Variants in SNRNP200 observed in about 807,000 individuals in gnomAD.
SNRNP200 encodes U5 small nuclear ribonucleoprotein 200 kDa helicase.
In SNRNP200, 66 loss-of-function variants were observed where a neutral mutation model predicts 255.2. That is an observed-to-expected ratio of 0.26 (90% confidence interval 0.21 to 0.32). The LOEUF (loss-of-function observed/expected upper bound fraction) is 0.32. SNRNP200 is among the 10% of genes least tolerant of loss of function. The pLI, the probability that SNRNP200 is intolerant of heterozygous loss-of-function variation, is 1.00. For synonymous variants in SNRNP200, 939 were observed against 1,027.8 expected (o/e 0.91, Z 1.65); for missense variants, 1,585 against 2,749.8 (o/e 0.58, Z 9.47).
chr2:96,281,806 G>T lies in SNRNP200; in HGVS notation c.5024+8C>A. ...TCTGTGCTAACACAGAGCACCAGTT[G>T]TACTCACGCGTGGATCTTGCCATTG... On this transcript the variant is annotated splice_region_variant and intron_variant, in intron 35 of 44. Transcript: ENST00000323853. 1 of 1,594,202 alleles carries T rather than the reference G, an allele frequency of 6.3e-7. No individual in the cohort carries two copies. The highest frequency in any genetic ancestry group is 8.6e-7 in the Non-Finnish European group (1 of 1,161,868).
rs781580454 is a variant in SNRNP200, at chr2:96,301,484, C to T, written c.574+40G>A. The T allele has an allele frequency of 1.9e-6, 3 of 1,600,318 alleles. No individual in the cohort carries two copies. The African/African-American group carries it at 4.0e-5, about 21-fold the overall frequency. On this transcript the variant is annotated intron_variant, in intron 4 of 44. Transcript: ENST00000323853. ...AAGATGCATGTTTAGGGGTCAACAA[C>T]AACCAATGAACATGATCAGAACATA...
rs751230164 is a variant in SNRNP200, at chr2:96,293,448, G to C, written c.1904C>G (p.Ala635Gly). The change falls in exon 15 of 45, where the codon GCC (alanine) becomes GGC (glycine). Residue 635 changes from alanine to glycine, a missense_variant. By Grantham distance (60) the Ala-to-Gly change is moderately conservative. Around this residue, in one of 9 missense-constraint regions of SNRNP200, gnomAD observed 140 missense variants for 274.9 expected, o/e 0.51. Transcript: ENST00000323853. ...TTGGGTCATCTCAATGTTTCGGATG[G>C]CCCTGGCCACTAAAGCTTCTAAGAC... ...GPVLEALVAR[A>G]IRNIEMTQED... 6.2e-7 allele frequency: 1 copy of C among 1,613,058 alleles called. No homozygotes were observed. Among genetic ancestry groups the C allele is most frequent in the Non-Finnish European group, 8.5e-7 (1 of 1,179,960 alleles).
Position 96,275,115 on chromosome 2 carries a change from T to C in SNRNP200, c.6308A>G (p.Asn2103Ser), listed in dbSNP as rs780795928. The C allele has an allele frequency of 1.2e-5, 19 of 1,614,122 alleles. No individual in the cohort carries two copies. Among genetic ancestry groups the C allele is most frequent in the Middle Eastern group, 3.3e-4 (2 of 6,084 alleles). ...GTCACTCATGAAGTACAGAGTGTAG[T>C]TGTGGGCACCAGTGGCTGGGGCCAC... ...DFVAPATGAH[N>S]YTLYFMSDAY... Residue 2103 changes from asparagine to serine, a missense_variant, in exon 45 of 45, where the codon AAC becomes AGC. Coordinates refer to ENST00000323853, the MANE Select transcript of SNRNP200 (RefSeq NM_014014.5).
rs780753488 is a variant in SNRNP200 at position 96,285,172 on chromosome 2, C to A, written c.4164+8G>T. 31 of 1,613,882 alleles carry A rather than the reference C, an allele frequency of 1.9e-5. No homozygotes were observed. The highest frequency in any genetic ancestry group is 8.3e-5 in the Admixed American group (5 of 60,034). On this transcript the variant is annotated splice_region_variant and intron_variant, in intron 30 of 44. Transcript: ENST00000323853. Reference sequence around the variant, plus strand: ...GGGAAATTCACATGACACAGCGCCACGTCATACCTGCTCTGCCAGGGCCTC... The same window carrying A: ...GGGAAATTCACATGACACAGCGCCAAGTCATACCTGCTCTGCCAGGGCCTC...
chr2:96,293,161 T>C (rs2063894242), intron 15 of SNRNP200, 66 bp from the exon 16 acceptor site: 1 of 1,606,146 alleles, frequency 6.2e-7, no homozygotes. Flanking sequence ...AACAGTCTTT[T>C]TCACTGCCCC....
At position 96,277,027 on chromosome 2, in the gene SNRNP200, T is replaced by C. The variant is rs567213427; in HGVS notation, c.6093-42A>G. ...GGGGCGCACGTCAGTGATGGGGCAG[T>C]GGGCTCAGAGCACACTATTATGCTG... On this transcript the variant is annotated intron_variant, in intron 42 of 44. Coordinates refer to ENST00000323853, the MANE Select transcript of SNRNP200 (RefSeq NM_014014.5). The surrounding 1 kb of genome is among the most constrained non-coding windows in gnomAD (Gnocchi z 4.4). 1 of 1,613,998 alleles carries C rather than the reference T, an allele frequency of 6.2e-7. No individual in the cohort carries two copies. The highest frequency in any genetic ancestry group is 1.3e-5 in the African/African-American group (1 of 75,064).
intron 1 of SNRNP200, 43 bp downstream of exon 1, chr2:96,305,350 T>A (rs773412017): frequency 2.5e-6 from 4 of 1,612,742 alleles, no homozygotes; most frequent in Non-Finnish European, 2.5e-6. Context: ...CCCCTCCCCA[T>A]TGGACTCCTG....
chr2:96,284,314 G>C, intron 31 of SNRNP200, 44 bp downstream of exon 31: 6 of 1,540,578 alleles, frequency 3.9e-6, no homozygotes, highest in Non-Finnish European at 4.5e-6. Context: ...AAGGCCACTT[G>C]GTCAGTCCCA....
intron 5 of SNRNP200, among the ~76,000 whole-genome samples, chr2:96,299,925 T>C (rs2063942111): frequency 1.3e-5 from 2 of 152,244 alleles, no homozygotes; most frequent in South Asian, 4.1e-4. Flanking sequence ...GCAAAGCAGT[T>C]TGTTGCTACT....
intron 14 of SNRNP200, among the ~76,000 whole-genome samples, chr2:96,294,006 C>T (rs1235379752): frequency 6.6e-6 from 1 of 152,080 alleles, no homozygotes; most frequent in Admixed American, 6.6e-5. Flanking sequence ...ACAAATCCTG[C>T]ATTTCTAACA....
At chr2:96,284,026 GGGT>G in intron 31 of SNRNP200, 22 bp from the exon 32 acceptor site, 1 of 1,469,428 alleles carries the variant, frequency 6.8e-7, no homozygotes, top group Non-Finnish European at 9.4e-7. Flanking sequence ...GAGGGAGGGA[GGGT>G]CACTGCAGGC....
At position 96,278,558 on chromosome 2, in the gene SNRNP200, T is replaced by C; in HGVS notation, c.5477A>G (p.Tyr1826Cys). The C allele has an allele frequency of 6.2e-7, 1 of 1,613,852 alleles. No homozygotes were observed. Among genetic ancestry groups the C allele is most frequent in the Non-Finnish European group, 8.5e-7 (1 of 1,179,990 alleles). ...GMIAAYYYIN[Y>C]TTIELFSMSL... The stretch of plus-strand genomic sequence containing the variant: ...ATGCCGGGCCTCACCAATGGTGGTG[T>C]AGTTGATGTAATAGTAGGCGGCGAT... The change falls in exon 38 of 45, where the codon TAC becomes TGC. Residue 1826 changes from tyrosine (Y) to cysteine (C), a missense_variant. By Grantham distance (194) the Tyr-to-Cys change is radical. Around this residue, in one of 9 missense-constraint regions of SNRNP200, gnomAD observed 279 missense variants for 551.2 expected, o/e 0.51. Coordinates refer to ENST00000323853, the MANE Select transcript of SNRNP200 (RefSeq NM_014014.5). The surrounding 1 kb of genome is among the most constrained non-coding windows in gnomAD (Gnocchi z 6.9).
intron 5 of SNRNP200, among the ~76,000 whole-genome samples, 170 bp downstream of exon 5, chr2:96,300,828 T>C (rs2063948034): frequency 6.6e-6 from 1 of 152,132 alleles, no homozygotes; most frequent in Non-Finnish European, 1.5e-5. Context: ...AGTTAAAAGA[T>C]AACTGCACTT....
intron 2 of SNRNP200, 62 bp from the exon 3 acceptor site, chr2:96,303,392 T>C: frequency 6.3e-7 from 1 of 1,589,870 alleles, no homozygotes; most frequent in Non-Finnish European, 8.6e-7. Context: ...GAAGACTGGA[T>C]CAAGCCCACC....
rs2063911301 is a variant in SNRNP200 at position 96,295,512 on chromosome 2, G to C, written c.1818C>G (p.Thr606=). ...CCAGAATGATGAGCCGCACCAGCTGGGTGTAGGTGCGCTCACCACCCTTGC... is the reference window on the plus strand; with the variant it reads ...CCAGAATGATGAGCCGCACCAGCTGCGTGTAGGTGCGCTCACCACCCTTGC... The part of the protein sequence containing the change: ...ITRKGGERTY[T]QLVRLIILDE... The change falls in exon 14 of 45, where the codon ACC becomes ACG. Residue 606 remains threonine (T), a synonymous_variant. Transcript: ENST00000323853. 3 of 1,613,600 alleles carry C rather than the reference G, an allele frequency of 1.9e-6. No homozygotes were observed. Among genetic ancestry groups the C allele is most frequent in the South Asian group, 1.1e-5 (1 of 91,078 alleles).
chr2:96,287,188 G>A lies in SNRNP200; in HGVS notation c.3485-28C>T, dbSNP rs555362331. On this transcript the variant is annotated intron_variant, in intron 26 of 44. Transcript: ENST00000323853. The surrounding 1 kb of genome is among the most constrained non-coding windows in gnomAD (Gnocchi z 5.7). ...ACAAGGAAATGAGAGTACTGAGGCT[G>A]CAGCCCAGCCTGCCTACTATACTGC... 4 of 1,614,024 alleles carry A rather than the reference G, an allele frequency of 2.5e-6. No individual in the cohort carries two copies. The South Asian group carries it at 3.3e-5, about 13-fold the overall frequency.
In SNRNP200 at chr2:96,290,190, G is replaced by T; in HGVS notation, c.2742+136C>A. ...ATCTTGGTAACAAGGGGAACTATCT[G>T]CCAGACCCAAGATGTGGGTGCAGGG... On this transcript the variant is annotated intron_variant, in intron 20 of 44. Transcript: ENST00000323853. The surrounding 1 kb of genome is among the most constrained non-coding windows in gnomAD (Gnocchi z 4.5). 1 of 1,104,934 alleles carries T rather than the reference G, an allele frequency of 9.1e-7. No homozygotes were observed. Among genetic ancestry groups the T allele is most frequent in the Non-Finnish European group, 1.4e-6 (1 of 718,944 alleles). The allele number at this position is 1,104,934 out of a possible 1,614,324, so 68.4% of individuals were successfully genotyped here.
rs2104367089 is a variant in SNRNP200, at chr2:96,304,879, C to A, written c.46-11G>T. 1 of 1,613,490 alleles carries A rather than the reference C, an allele frequency of 6.2e-7. No homozygotes were observed. Among genetic ancestry groups the A allele is most frequent in the South Asian group, 1.1e-5 (1 of 90,970 alleles). On this transcript the variant is annotated splice_polypyrimidine_tract_variant and intron_variant, in intron 1 of 44. Transcript: ENST00000323853. Reference sequence around the variant, plus strand: ...CACAAGATTCGAGTTCTGAAAAGATCAAAACATTATTGAAGCTTTGACATG... The same window carrying A: ...CACAAGATTCGAGTTCTGAAAAGATAAAAACATTATTGAAGCTTTGACATG...
Position 96,291,745 on chromosome 2 carries a change from C to A in SNRNP200, c.2310+6G>T, listed in dbSNP as rs377444617. The A allele has an allele frequency of 2.4e-5, 38 of 1,613,896 alleles. No homozygotes were observed. The highest frequency in any genetic ancestry group is 2.8e-5 in the Non-Finnish European group (33 of 1,180,040). On this transcript the variant is annotated splice_donor_region_variant and intron_variant, in intron 17 of 44. Transcript: ENST00000323853. This position sits in a 1 kb window ranked among gnomAD's most constrained non-coding sequence, Gnocchi z 4.2. The stretch of plus-strand genomic sequence containing the variant: ...GAATGAGAGAACCCAGCTGGCCCCT[C>A]CTCACCTTGCACTGCTCAGCTTCTG...
Sources: gnomAD v4.1 joint callset for allele counts (sites outside exome capture counted in the v4.1 genomes callset) on GRCh38, gnomAD v4.1.1 for gene constraint, gnomAD v4.1.1 regional missense constraint, Gnocchi (gnomAD v3.1) non-coding constraint, MANE v1.5 for transcripts, NCBI Gene and HGNC (gene_info 2026-07-23, HGNC 2026-07-21) for gene names.